The following SLTM variants were observed in gnomAD, a reference collection of about 807,000 sequenced individuals.
SLTM encodes SAFB-like transcription modulator.
A neutral mutation model predicts 134.6 loss-of-function variants in SLTM; 43 were observed. The ratio of observed to expected loss-of-function variants is 0.32; its 90% CI spans 0.25 to 0.41. The LOEUF (loss-of-function observed/expected upper bound fraction) is 0.41. Among genes scored for constraint, SLTM ranks in the 10% least tolerant of loss-of-function variants. SLTM has a pLI of 1.00. For synonymous variants in SLTM, 424 were observed against 432.3 expected (o/e 0.98, Z 0.24); for missense variants, 1,055 against 1,288.8 (o/e 0.82, Z 2.78).
chr15:58,889,677 C>G, intron 15 of SLTM, 123 bp from the exon 16 acceptor site: 1 of 1,179,604 alleles, frequency 8.5e-7, no homozygotes, highest in Middle Eastern at 2.0e-4. Flanking sequence ...AGGCAAAACA[C>G]AAACCTATGA....
chr15:58,928,546 G>C (rs1383140684), intron 2 of SLTM, among the ~76,000 whole-genome samples: 1 of 152,012 alleles, frequency 6.6e-6, no homozygotes, highest in Admixed American at 6.6e-5. Flanking sequence ...GTTTGTGCTT[G>C]TAATAGCTGC....
rs1486350964 is a variant in SLTM at position 58,926,662 on chromosome 15, T to C, written c.250+5694A>G. Among the ~76,000 whole-genome samples the C allele has an allele frequency of 3.3e-5, 5 of 151,672 alleles. No homozygotes were observed. In the East Asian group the frequency reaches 9.7e-4, roughly 29 times the overall value. The stretch of plus-strand genomic sequence containing the variant: ...CAGGGTCTTGTTCTGTCACCCAGGC[T>C]GGAGTGCAGCAGCACCATTTCGGCT... On this transcript the variant is annotated intron_variant, in intron 2 of 20. Coordinates refer to ENST00000380516, the MANE Select transcript of SLTM (RefSeq NM_024755.4).
intron 2 of SLTM, chr15:58,921,656 T>A (rs2037054980): frequency 5.8e-6 from 2 of 347,620 alleles, no homozygotes; most frequent in Admixed American, 3.3e-5. Flanking sequence ...ATACATAGTA[T>A]TCAAAAAAAA....
intron 9 of SLTM, 32 bp downstream of exon 9, chr15:58,897,083 G>T: frequency 7.8e-7 from 1 of 1,283,552 alleles, no homozygotes; most frequent in Non-Finnish European, 1.1e-6. Context: ...GCAGACACCA[G>T]AAAGACAGAT....
At chr15:58,933,302 TC>T (rs2038025545) in intron 1 of SLTM, 101 bp downstream of exon 1, 2 of 1,331,346 alleles carry the variant, frequency 1.5e-6, no homozygotes, top group Admixed American at 5.6e-5. Context: ...GTTCCGCAGG[TC>T]CCAGCGGCTG....
At chr15:58,930,281 A>ATTTTTTTTTTTTT (rs34150533) in intron 2 of SLTM, among the ~76,000 whole-genome samples, 1 of 117,650 alleles carries the variant, frequency 8.5e-6, no homozygotes, top group African/African-American at 3.3e-5. Flanking sequence ...ATGCCCAGCT[A>ATTTTTTTTTTTTT]TTTTTTTTTT....
intron 2 of SLTM, among the ~76,000 whole-genome samples, chr15:58,930,919 A>G (rs2037834540): frequency 6.6e-6 from 1 of 152,088 alleles, no homozygotes; most frequent in Non-Finnish European, 1.5e-5. Context: ...TAGGTGAGAA[A>G]GGAATAAATC....
chr15:58,932,077 T>G (rs2037918444), intron 2 of SLTM: 2 of 294,170 alleles, frequency 6.8e-6, no homozygotes, highest in African/African-American at 2.1e-5. Context: ...TATTCAGGTC[T>G]TCACACTATG....
At chr15:58,889,337 G>C in intron 16 of SLTM, 93 bp downstream of exon 16, 1 of 1,502,934 alleles carries the variant, frequency 6.7e-7, no homozygotes, top group Non-Finnish European at 9.1e-7. Context: ...TTTTATTCCA[G>C]TGATGGGAGC....
intron 1 of SLTM, among the ~76,000 whole-genome samples, chr15:58,933,186 G>A (rs1300130779): frequency 3.3e-5 from 5 of 151,634 alleles, no homozygotes. Flanking sequence ...TGCGGTGGCC[G>A]GTCCCTCGCA....
intron 20 of SLTM, among the ~76,000 whole-genome samples, chr15:58,882,635 G>C (rs8039807): frequency 5.9e-5 from 9 of 152,346 alleles, no homozygotes; most frequent in Admixed American, 1.3e-4. Flanking sequence ...TTACAAACCA[G>C]ATACAATGAA....
chr15:58,927,995 A>G (rs1053655621), intron 2 of SLTM, among the ~76,000 whole-genome samples: 2 of 152,232 alleles, frequency 1.3e-5, no homozygotes, highest in Non-Finnish European at 2.9e-5. Context: ...ATTTTCCACA[A>G]AAAATTATAC....
intron 3 of SLTM, 166 bp downstream of exon 3, chr15:58,916,769 A>G (rs1408139087): frequency 1.9e-6 from 1 of 521,092 alleles, no homozygotes; most frequent in East Asian, 3.3e-5. Context: ...TTTCTCAATT[A>G]TGAGAGTTAA....
Position 58,899,393 on chromosome 15 carries a change from C to A in SLTM, c.1058+76G>T. The A allele has an allele frequency of 8.5e-7, 1 of 1,180,284 alleles. No individual in the cohort carries two copies. Among genetic ancestry groups the A allele is most frequent in the Non-Finnish European group, 1.2e-6 (1 of 808,282 alleles). 73.1% of individuals were successfully genotyped at this position (1,180,284 alleles called of 1,614,324 possible). ...CTAATTACTGTACATGTTCTTGAAG[C>A]CACCCCCTTAATGTAGAGTGATCTT... is the stretch of plus-strand genomic sequence containing the variant. On this transcript the variant is annotated intron_variant, in intron 7 of 20. Transcript: ENST00000380516. The surrounding 1 kb of genome is among the most constrained non-coding windows in gnomAD (Gnocchi z 5.0).
chr15:58,912,764 A>C, intron 4 of SLTM, 154 bp from the exon 5 acceptor site: 1 of 587,614 alleles, frequency 1.7e-6, no homozygotes. Flanking sequence ...TTCAGACTAT[A>C]TTTTTTATGC....
rs1294016649 is a variant in SLTM, at chr15:58,899,807, A to G, written c.720T>C (p.Asp240=). The G allele has an allele frequency of 1.2e-6, 2 of 1,614,000 alleles. No homozygotes were observed. The highest frequency in any genetic ancestry group is 1.7e-5 in the Admixed American group (1 of 59,984). ...EAHTTVKEAE[D]DNISVTIQAE... ...CCTGGATTGTGACCGAGATGTTGTC[A>G]TCCTCAGCTTCTTTCACAGTCGTAT... Residue 240 remains aspartate, a synonymous_variant, in exon 7 of 21, where the codon GAT becomes GAC. Transcript: ENST00000380516. The surrounding 1 kb of genome is among the most constrained non-coding windows in gnomAD (Gnocchi z 5.0).
intron 6 of SLTM, chr15:58,901,026 C>G (rs2035451458): frequency 9.7e-6 from 4 of 411,840 alleles, no homozygotes; most frequent in Non-Finnish European, 1.8e-5. Context: ...TAAAAAATAG[C>G]ATTGTTCACT....
chr15:58,899,409 G>T lies in SLTM; in HGVS notation c.1058+60C>A. On this transcript the variant is annotated intron_variant, in intron 7 of 20. Coordinates refer to ENST00000380516, the MANE Select transcript of SLTM (RefSeq NM_024755.4). This position sits in a 1 kb window ranked among gnomAD's most constrained non-coding sequence, Gnocchi z 5.0. ...TTCTTGAAGCCACCCCCTTAATGTA[G>T]AGTGATCTTATTGAATGCTGGAATT... is the stretch of plus-strand genomic sequence containing the variant. 1.5e-6 allele frequency: 2 copies of T among 1,359,990 alleles called. No homozygotes were observed. Among genetic ancestry groups the T allele is most frequent in the Non-Finnish European group, 2.1e-6 (2 of 956,136 alleles). The allele number at this position is 1,359,990 out of a possible 1,614,324, so 84.2% of individuals were successfully genotyped here.
intron 5 of SLTM, among the ~76,000 whole-genome samples, chr15:58,911,617 C>T (rs1218116210): frequency 1.3e-5 from 2 of 152,014 alleles, no homozygotes; most frequent in Admixed American, 1.3e-4. Context: ...AAATTAAGGA[C>T]ACAAAAACAA....
Sources: gnomAD v4.1 joint callset for allele counts (sites outside exome capture counted in the v4.1 genomes callset) on GRCh38, gnomAD v4.1.1 for gene constraint, Gnocchi (gnomAD v3.1) non-coding constraint, MANE v1.5 for transcripts, NCBI Gene and HGNC (gene_info 2026-07-23, HGNC 2026-07-21) for gene names.